Variants in KLRG1 observed in about 807,000 individuals in gnomAD.
KLRG1 encodes the protein killer cell lectin like receptor G1.
KLRG1 carries 16 observed loss-of-function variants against 21.8 expected under a neutral mutation model. The ratio of observed to expected loss-of-function variants is 0.73; its 90% confidence interval spans 0.50 to 1.11. The LOEUF (loss-of-function observed/expected upper bound fraction) is 1.11. Ranked by LOEUF, KLRG1 falls within the 50% of genes most tolerant of loss-of-function variation. KLRG1 has a pLI of 0.00. For synonymous variants in KLRG1, 69 were observed against 75.9 expected, an observed-to-expected ratio of 0.91 and a Z score of 0.47; for missense variants, 173 against 218.3, an observed-to-expected ratio of 0.79 and a Z score of 1.31.
chr12:9,129,550 T>C, the KLRG1 span, among the ~76,000 whole-genome samples: 1 of 152,096 alleles, frequency 6.6e-6, no homozygotes, highest in Non-Finnish European at 1.5e-5. Context: ...AAGATGCAGG[T>C]ATGGGTTTTC....
the KLRG1 span, among the ~76,000 whole-genome samples, chr12:9,126,862 G>A: frequency 3.3e-5 from 5 of 152,116 alleles, no homozygotes; most frequent in Non-Finnish European, 5.9e-5. Flanking sequence ...ATATCATCAC[G>A]AGACAATGCT....
chr12:8,961,794 T>C (rs1366097343), intron 1 of KLRG1, among the ~76,000 whole-genome samples: 2 of 152,096 alleles, frequency 1.3e-5, no homozygotes, highest in East Asian at 1.9e-4. Flanking sequence ...CAGGTAAAAA[T>C]TGCCACACAA....
At chr12:9,166,072 G>T in the KLRG1 span, 8 of 1,609,260 alleles carry the variant, frequency 5.0e-6, no homozygotes, top group Non-Finnish European at 6.8e-6. Context: ...CCAACTCCCA[G>T]ATCCAAGTCT....
chr12:8,992,142 G>A, intron 1 of KLRG1, 64 bp from the exon 2 acceptor site: 1 of 1,389,250 alleles, frequency 7.2e-7, no homozygotes, highest in South Asian at 1.3e-5. Flanking sequence ...ATCCTTCCCT[G>A]ACTTTCTCTT....
the KLRG1 span, among the ~76,000 whole-genome samples, chr12:9,204,350 C>T: frequency 6.6e-6 from 1 of 152,142 alleles, no homozygotes; most frequent in African/African-American, 2.4e-5. Flanking sequence ...AGTGATTATT[C>T]ATTGTAAAAA....
At chr12:9,171,339 CA>C in the KLRG1 span, among the ~76,000 whole-genome samples, 1 of 152,126 alleles carries the variant, frequency 6.6e-6, no homozygotes, top group Non-Finnish European at 1.5e-5. Context: ...AGACCTAACA[CA>C]AATCTAATTC....
the KLRG1 span, chr12:9,113,504 C>T: frequency 6.2e-7 from 1 of 1,613,928 alleles, no homozygotes; most frequent in Non-Finnish European, 8.5e-7. Flanking sequence ...TCTCAGTGGT[C>T]TCAGTGTGGA....
the KLRG1 span, chr12:9,192,802 C>A: frequency 8.5e-7 from 1 of 1,176,502 alleles, no homozygotes; most frequent in Non-Finnish European, 1.2e-6. Context: ...AGCTTCTCAC[C>A]AAAATGAATA....
chr12:9,087,779 A>G, the KLRG1 span, among the ~76,000 whole-genome samples: 19 of 152,236 alleles, frequency 1.2e-4, no homozygotes, highest in East Asian at 1.5e-3. Context: ...TCAGTTTACA[A>G]TGTAATTAAA....
chr12:9,074,053 A>C, the KLRG1 span, among the ~76,000 whole-genome samples: 7 of 148,746 alleles, frequency 4.7e-5, no homozygotes, highest in Non-Finnish European at 1.0e-4. Flanking sequence ...GCACCACTGC[A>C]TTCCAGCCTA....
the KLRG1 span, chr12:9,101,486 G>T: frequency 1.9e-6 from 3 of 1,613,880 alleles, no homozygotes; most frequent in Non-Finnish European, 2.5e-6. Context: ...CCAGCAGGGT[G>T]CCTCCATTCA....
chr12:8,973,032 G>A (rs983756012), intron 1 of KLRG1, among the ~76,000 whole-genome samples: 2 of 151,798 alleles, frequency 1.3e-5, no homozygotes, highest in African/African-American at 4.8e-5. Flanking sequence ...TCCCAGCTGG[G>A]CTGAGGGAGG....
chr12:9,156,229 A>G, the KLRG1 span: 1 of 202,570 alleles, frequency 4.9e-6, no homozygotes, highest in Admixed American at 4.9e-5. Flanking sequence ...CAATATCAAC[A>G]CCAATGATTA....
the KLRG1 span, among the ~76,000 whole-genome samples, chr12:9,127,365 C>G: frequency 6.6e-6 from 1 of 152,188 alleles, no homozygotes; most frequent in South Asian, 2.1e-4. Flanking sequence ...GTTCTCCTCA[C>G]CAGTGGTTTT....
the KLRG1 span, among the ~76,000 whole-genome samples, chr12:9,130,738 A>G: frequency 3.3e-5 from 5 of 150,192 alleles, no homozygotes; most frequent in Middle Eastern, 3.4e-3. Flanking sequence ...TTTTTTTCCC[A>G]TTTTGTATGT....
the KLRG1 span, chr12:9,055,728 T>G: frequency 3.3e-5 from 5 of 152,672 alleles, no homozygotes; most frequent in African/African-American, 1.2e-4. Flanking sequence ...AAACATTTTC[T>G]TGCTCTGTGC....
At chr12:9,184,560 C>A in the KLRG1 span, among the ~76,000 whole-genome samples, 4 of 152,234 alleles carry the variant, frequency 2.6e-5, no homozygotes, top group Non-Finnish European at 5.9e-5. Context: ...AGCTGATGAG[C>A]GTGTACCCCA....
intron 1 of KLRG1, chr12:8,990,190 T>G (rs1946927202): frequency 1.6e-5 from 1 of 61,354 alleles, no homozygotes; most frequent in Non-Finnish European, 4.8e-5. Context: ...TCTAGTTTTG[T>G]TTTTTTTTTT....
the KLRG1 span, among the ~76,000 whole-genome samples, chr12:9,132,530 A>G: frequency 6.6e-6 from 1 of 152,176 alleles, no homozygotes; most frequent in Admixed American, 6.5e-5. Context: ...GTTAGGCATG[A>G]GAGAAACATG....
Sources: allele counts gnomAD v4.1 joint callset (sites outside exome capture counted in the v4.1 genomes callset), GRCh38; gene constraint gnomAD v4.1.1; transcripts MANE v1.5; gene names NCBI Gene and HGNC (gene_info 2026-07-23, HGNC 2026-07-21).